The following ZFHX4 variants were observed in gnomAD, a reference collection of about 807,000 sequenced individuals.
The protein encoded by ZFHX4 is zinc finger homeobox protein 4.
Under a neutral mutation model 267.6 loss-of-function variants are expected in ZFHX4, and 56 were observed. That is an observed-to-expected ratio of 0.21 (90% confidence interval 0.17 to 0.26). ZFHX4 has a LOEUF of 0.26. Among genes scored for constraint, ZFHX4 ranks in the 10% least tolerant of loss-of-function variants. The pLI is 1.00. For synonymous variants in ZFHX4, 1,778 were observed against 1,665.6 expected (o/e 1.07, Z -1.64); for missense variants, 4,332 against 4,420.0 (o/e 0.98, Z 0.56).
chr8:76,705,129 T>C lies in ZFHX4; in HGVS notation c.1041T>C (p.His347=), dbSNP rs1348429043. Residue 347 remains histidine (H), a synonymous_variant, in exon 2 of 11, where the codon CAT becomes CAC. Transcript: ENST00000651372. ...EPKKSTSVYP[H]FSTTNLIGPD... ...AAAAATCCACTTCTGTTTATCCCCA[T>C]TTTTCTACTACAAACCTCATAGGAC... 6.2e-7 allele frequency: 1 copy of C among 1,613,532 alleles called. No individual in the cohort carries two copies. The highest frequency in any genetic ancestry group is 1.3e-5 in the African/African-American group (1 of 74,976).
At chr8:76,832,128 C>T (rs970026377) in intron 4 of ZFHX4, among the ~76,000 whole-genome samples, 5 of 152,108 alleles carry the variant, frequency 3.3e-5, no homozygotes, top group South Asian at 2.1e-4. Context: ...TTGGTATGCA[C>T]TTCTATTTTC....
intron 4 of ZFHX4, among the ~76,000 whole-genome samples, chr8:76,806,893 T>C (rs916721828): frequency 1.2e-4 from 18 of 152,042 alleles, no homozygotes; most frequent in Non-Finnish European, 2.4e-4. Flanking sequence ...CTATTTGAGA[T>C]TTGGGATTCA....
intron 3 of ZFHX4, among the ~76,000 whole-genome samples, chr8:76,777,161 G>A (rs1231459649): frequency 6.6e-6 from 1 of 152,000 alleles, no homozygotes; most frequent in Non-Finnish European, 1.5e-5. Flanking sequence ...CCTCTTTGTT[G>A]CTATTCTTAT....
intron 3 of ZFHX4, among the ~76,000 whole-genome samples, chr8:76,767,871 A>T (rs1421906604): frequency 1.3e-5 from 2 of 152,196 alleles, no homozygotes; most frequent in East Asian, 1.9e-4. Flanking sequence ...TGGGTTTGAC[A>T]TTGGTCCTGT....
chr8:76,807,434 C>T (rs192720165), intron 4 of ZFHX4, among the ~76,000 whole-genome samples: 3 of 152,172 alleles, frequency 2.0e-5, no homozygotes, highest in Admixed American at 6.6e-5. Flanking sequence ...AGATTGGCAG[C>T]TTTCTCTCTC....
chr8:76,862,022 G>A, intron 10 of ZFHX4, among the ~76,000 whole-genome samples: 1 of 151,954 alleles, frequency 6.6e-6, no homozygotes, highest in East Asian at 1.9e-4. Flanking sequence ...TAGACTTCTG[G>A]TCTGTTCCTT....
intron 4 of ZFHX4, among the ~76,000 whole-genome samples, chr8:76,827,556 A>G (rs1270314857): frequency 6.6e-6 from 1 of 152,246 alleles, no homozygotes; most frequent in East Asian, 1.9e-4. Context: ...AGATTCTTAA[A>G]TGGAGAAATA....
intron 3 of ZFHX4, among the ~76,000 whole-genome samples, chr8:76,713,953 A>C (rs1462706793): frequency 1.3e-5 from 2 of 152,002 alleles, no homozygotes; most frequent in East Asian, 1.9e-4. Context: ...CACAACAACA[A>C]CACACCACAC....
chr8:76,719,565 T>C (rs941131355), intron 3 of ZFHX4, among the ~76,000 whole-genome samples: 1 of 152,128 alleles, frequency 6.6e-6, no homozygotes, highest in African/African-American at 2.4e-5. Flanking sequence ...GGAGTAGATA[T>C]GCTTTTGCAA....
chr8:76,734,178 T>C (rs980609922), intron 3 of ZFHX4, among the ~76,000 whole-genome samples: 6 of 152,200 alleles, frequency 3.9e-5, no homozygotes, highest in Non-Finnish European at 8.8e-5. Flanking sequence ...AACATACTTG[T>C]CCTCTTCCTA....
At chr8:76,727,689 T>G (rs2131652769) in intron 3 of ZFHX4, among the ~76,000 whole-genome samples, 1 of 152,328 alleles carries the variant, frequency 6.6e-6, no homozygotes, top group East Asian at 1.9e-4. Flanking sequence ...AAATCTTGCT[T>G]CTTTCTGGGT....
chr8:76,707,898 C>T lies in ZFHX4; in HGVS notation c.2943C>T (p.Gly981=), dbSNP rs372361682. 5 of 1,613,870 alleles carry T rather than the reference C, an allele frequency of 3.1e-6. No homozygotes were observed. The highest frequency in any genetic ancestry group is 1.7e-5 in the Admixed American group (1 of 59,984). ...YQLVAHIKEG[G]KSNEWRLKCI... ...TGGTGGCTCACATTAAAGAAGGGGGCAAAAGCAATGAGTGGAGGTTGAAGT... is the reference window on the plus strand; with the variant it reads ...TGGTGGCTCACATTAAAGAAGGGGGTAAAAGCAATGAGTGGAGGTTGAAGT... Residue 981 remains glycine, a synonymous_variant, in exon 3 of 11, where the codon GGC becomes GGT. Transcript: ENST00000651372.
rs1231236679 is a variant in ZFHX4, at chr8:76,853,829, G to A, written c.6908G>A (p.Arg2303Gln). 4.3e-6 allele frequency: 7 copies of A among 1,613,666 alleles called. No homozygotes were observed. Among genetic ancestry groups the A allele is most frequent in the African/African-American group, 2.7e-5 (2 of 74,860 alleles). The change falls in exon 10 of 11, where the codon CGG becomes CAG. Residue 2303 changes from arginine (R) to glutamine (Q), a missense_variant. Coordinates refer to ENST00000651372, the MANE Select transcript of ZFHX4 (RefSeq NM_024721.5). ...GAAAAAAGAGAACTCACTAATGAAC[G>A]GTACATTCGAACAAGCAACATGCAG... ...DNEKRELTNE[R>Q]YIRTSNMQYQ...
intron 6 of ZFHX4, among the ~76,000 whole-genome samples, chr8:76,845,044 G>A (rs141766283): frequency 2.6e-5 from 4 of 152,054 alleles, no homozygotes; most frequent in Admixed American, 6.6e-5. Flanking sequence ...ATCTTCATAC[G>A]TTAGATGGGA....
At chr8:76,720,850 G>T (rs1299242941) in intron 3 of ZFHX4, among the ~76,000 whole-genome samples, 1 of 152,152 alleles carries the variant, frequency 6.6e-6, no homozygotes, top group Non-Finnish European at 1.5e-5. Flanking sequence ...CCATTTTGAA[G>T]ATGAGGAAAC....
At chr8:76,807,259 A>G (rs1381802662) in intron 4 of ZFHX4, among the ~76,000 whole-genome samples, 2 of 152,102 alleles carry the variant, frequency 1.3e-5, no homozygotes, top group African/African-American at 2.4e-5. Context: ...CACAAGTGGT[A>G]TAGTGGTATA....
chr8:76,709,342 T>G (rs1421010454), intron 3 of ZFHX4, among the ~76,000 whole-genome samples: 2 of 152,060 alleles, frequency 1.3e-5, no homozygotes, highest in Non-Finnish European at 2.9e-5. Flanking sequence ...CGTTACAGAG[T>G]TTGAAGGGAG....
chr8:76,710,757 A>G (rs531513888), intron 3 of ZFHX4, among the ~76,000 whole-genome samples: 1 of 152,268 alleles, frequency 6.6e-6, no homozygotes, highest in South Asian at 2.1e-4. Flanking sequence ...TTCAATTTGA[A>G]TAGGCCACTT....
chr8:76,791,934 A>G (rs1212816537), intron 4 of ZFHX4, among the ~76,000 whole-genome samples: 1 of 152,178 alleles, frequency 6.6e-6, no homozygotes, highest in Admixed American at 6.6e-5. Context: ...TCATGATTTT[A>G]ATGTGTACAT....
Sources: gnomAD v4.1 joint callset for allele counts (sites outside exome capture counted in the v4.1 genomes callset) on GRCh38, gnomAD v4.1.1 for gene constraint, MANE v1.5 for transcripts, NCBI Gene and HGNC (gene_info 2026-07-23, HGNC 2026-07-21) for gene names.